GALNT11: variants seen among roughly 807,000 people sequenced by gnomAD.
GALNT11 encodes the protein polypeptide N-acetylgalactosaminyltransferase 11, also known as UDP-GalNAc:polypeptide N-acetylgalactosaminyltransferase 11.
GALNT11 carries 47 observed loss-of-function variants against 72.7 expected under a neutral mutation model. That is an observed-to-expected ratio of 0.65 (90% CI 0.51 to 0.82). The LOEUF (loss-of-function observed/expected upper bound fraction) is 0.82. GALNT11 is among the 40% of genes least tolerant of loss of function. The pLI is 0.00. For synonymous variants in GALNT11, 270 were observed against 286.6 expected, an observed-to-expected ratio of 0.94 and a Z score of 0.58; for missense variants, 677 against 778.4, an observed-to-expected ratio of 0.87 and a Z score of 1.55.
rs545854940 is a variant in GALNT11, at chr7:152,099,678, G to T, written c.296-1120G>T. ...GCTGGGATTACAGGCATAAGCAGCC[G>T]CGCCCTGCCTAATATTACAGTGACT... On this transcript the variant is annotated intron_variant, in intron 2 of 11. Transcript: ENST00000430044. 7.3e-5 allele frequency among the ~76,000 whole-genome samples: 11 copies of T among 149,932 alleles called. No homozygotes were observed. The South Asian group carries it at 2.3e-3, about 32-fold the overall frequency.
intron 1 of GALNT11, among the ~76,000 whole-genome samples, chr7:152,045,281 C>T (rs955168675): frequency 3.3e-5 from 5 of 152,072 alleles, no homozygotes; most frequent in Admixed American, 6.5e-5. Context: ...GTTTTGGTAT[C>T]AGGGTAATAT....
chr7:152,094,800 GGTTTGTTTTTT>G lies in GALNT11; in HGVS notation c.295+290_295+300del, dbSNP rs2086270421. Among the ~76,000 whole-genome samples the G allele has an allele frequency of 1.3e-5, 2 of 152,032 alleles. No homozygotes were observed. The highest frequency in any genetic ancestry group is 4.8e-5 in the African/African-American group (2 of 41,388). ...AGAAAATGGAACCTATGGGAGAAGG[GGTTTGTTTTTT>G]GTTTGTTTTTTTAAGAGATGGGGTC... On this transcript the variant is annotated intron_variant, in intron 2 of 11. Transcript: ENST00000430044. This position sits in a 1 kb window ranked among gnomAD's most constrained non-coding sequence, Gnocchi z 4.3.
intron 1 of GALNT11, among the ~76,000 whole-genome samples, chr7:152,047,225 CTT>C (rs1338652022): frequency 1.3e-5 from 2 of 152,046 alleles, no homozygotes; most frequent in Admixed American, 1.3e-4. Context: ...AATCCCAGCA[CTT>C]TGGTAGGCCG....
At chr7:152,028,256 G>A (rs753818580) in intron 1 of GALNT11, among the ~76,000 whole-genome samples, 2 of 152,220 alleles carry the variant, frequency 1.3e-5, no homozygotes, top group Non-Finnish European at 2.9e-5. Context: ...TTTACAGAGA[G>A]CTGATTAGTC....
At chr7:152,030,153 A>G (rs35839503) in intron 1 of GALNT11, among the ~76,000 whole-genome samples, 23,075 of 152,172 alleles carry the variant, frequency 0.15, 4,559 homozygotes, top group African/African-American at 0.45. Flanking sequence ...GACAAGAGGT[A>G]GAGGAGTAGA....
intron 1 of GALNT11, among the ~76,000 whole-genome samples, chr7:152,047,473 CA>C (rs1424916266): frequency 7.2e-5 from 11 of 151,844 alleles, no homozygotes; most frequent in Non-Finnish European, 1.5e-4. Flanking sequence ...TCAAAACAAA[CA>C]AACAAACAAA....
intron 1 of GALNT11, among the ~76,000 whole-genome samples, chr7:152,092,965 A>G (rs910879299): frequency 2.0e-5 from 3 of 152,224 alleles, no homozygotes; most frequent in African/African-American, 7.2e-5. Flanking sequence ...CGGTGGCCTC[A>G]CGCCTGTAAT....
intron 1 of GALNT11, among the ~76,000 whole-genome samples, chr7:152,046,087 T>G (rs780978382): frequency 5.3e-5 from 8 of 152,190 alleles, no homozygotes; most frequent in Non-Finnish European, 8.8e-5. Flanking sequence ...TTACATGTGT[T>G]TGTATAGTTT....
At chr7:152,039,060 A>G (rs1446523074) in intron 1 of GALNT11, among the ~76,000 whole-genome samples, 1 of 152,174 alleles carries the variant, frequency 6.6e-6, no homozygotes. Context: ...ATGGTTCCAG[A>G]TAATAGGAAC....
intron 1 of GALNT11, among the ~76,000 whole-genome samples, chr7:152,042,425 C>G (rs915010312): frequency 6.6e-6 from 1 of 152,140 alleles, no homozygotes; most frequent in African/African-American, 2.4e-5. Flanking sequence ...CTATGTGTCC[C>G]TTTTTTAATT....
At chr7:152,105,950 C>G (rs902142669) in intron 5 of GALNT11, among the ~76,000 whole-genome samples, 1 of 152,132 alleles carries the variant, frequency 6.6e-6, no homozygotes. Flanking sequence ...ACTGCTCTCC[C>G]CCTTTAAAAA....
chr7:152,102,906 G>C (rs1454169691), intron 3 of GALNT11, among the ~76,000 whole-genome samples: 6 of 151,602 alleles, frequency 4.0e-5, no homozygotes, highest in Admixed American at 3.9e-4. Flanking sequence ...GCTTGAACCT[G>C]GGAGGCGGAG....
intron 8 of GALNT11, among the ~76,000 whole-genome samples, chr7:152,115,298 C>G (rs746512114): frequency 2.0e-4 from 30 of 152,192 alleles, no homozygotes; most frequent in Non-Finnish European, 4.0e-4. Flanking sequence ...GGTGCCTTAG[C>G]ATAAATCGAG....
chr7:152,104,386 G>C (rs1473115677), intron 4 of GALNT11: 1 of 152,166 alleles, frequency 6.6e-6, no homozygotes, highest in Non-Finnish European at 1.5e-5. Context: ...TGGTATACCA[G>C]TATACTTAAA....
At chr7:152,099,293 C>T (rs2086602137) in intron 2 of GALNT11, among the ~76,000 whole-genome samples, 1 of 151,992 alleles carries the variant, frequency 6.6e-6, no homozygotes, top group South Asian at 2.1e-4. Context: ...ATTCATAAAA[C>T]ATTCACTGTA....
intron 1 of GALNT11, among the ~76,000 whole-genome samples, chr7:152,035,410 G>A (rs2082519308): frequency 1.3e-5 from 2 of 152,164 alleles, no homozygotes; most frequent in African/African-American, 4.8e-5. Flanking sequence ...CAAGCATTAG[G>A]ACCCAGGAGG....
chr7:152,086,971 A>G (rs1354310482), intron 1 of GALNT11, among the ~76,000 whole-genome samples: 1 of 152,240 alleles, frequency 6.6e-6, no homozygotes, highest in Non-Finnish European at 1.5e-5. Flanking sequence ...CCCAAACAAG[A>G]TAGTAACAGA....
In GALNT11 at chr7:152,114,849, A is replaced by AT. The variant is rs565380922; in HGVS notation, c.1233+1457dup. On this transcript the variant is annotated intron_variant, in intron 8 of 11. Coordinates refer to ENST00000430044, the MANE Select transcript of GALNT11 (RefSeq NM_022087.4). The stretch of plus-strand genomic sequence containing the variant: ...GTTGCTGCTGTATTTGTGTATAGCT[A>AT]TTTTTTAAACATTTGTTGTGCACCT... 9.1e-4 allele frequency among the ~76,000 whole-genome samples: 138 copies of AT among 151,854 alleles called. 1 individual carries two copies. Among genetic ancestry groups the AT allele is most frequent in the African/African-American group, 3.3e-3 (135 of 41,316 alleles).
chr7:152,033,258 T>C (rs969233364), intron 1 of GALNT11, among the ~76,000 whole-genome samples: 55 of 152,320 alleles, frequency 3.6e-4, no homozygotes, highest in African/African-American at 1.3e-3. Flanking sequence ...TTTTTTAAAA[T>C]GTCTTTGTAA....
Sources: gnomAD v4.1 joint callset for allele counts (sites outside exome capture counted in the v4.1 genomes callset) on GRCh38, gnomAD v4.1.1 for gene constraint, Gnocchi (gnomAD v3.1) non-coding constraint, MANE v1.5 for transcripts, NCBI Gene and HGNC (gene_info 2026-07-23, HGNC 2026-07-21) for gene names.